Variants in STON1 observed in about 807,000 individuals in gnomAD.
STON1 encodes the protein stonin-1.
In STON1, 79 loss-of-function variants were observed where a neutral mutation model predicts 60.9. The ratio of observed to expected loss-of-function variants is 1.30; its 90% CI spans 1.08 to 1.56. The LOEUF is 1.56. STON1 is among the 40% of genes most tolerant of loss of function. STON1 has a pLI of 0.00. For missense variants in STON1, 1,166 were observed against 858.9 expected (o/e 1.36, Z -4.47); for synonymous variants, 363 against 306.9 (o/e 1.18, Z -1.91).
chr2:48,537,826 GGCGACAGA>G (rs1044439793), intron 1 of STON1, among the ~76,000 whole-genome samples: 1 of 149,330 alleles, frequency 6.7e-6, no homozygotes, highest in African/African-American at 2.5e-5. Context: ...CTCCAGACTG[GGCGACAGA>G]GCAAGACTTC....
At chr2:48,564,489 CTTCTTCTTCTT>C (rs1672797264) in intron 1 of STON1, among the ~76,000 whole-genome samples, 2 of 25,006 alleles carry the variant, frequency 8.0e-5, no homozygotes, top group African/African-American at 3.5e-4. Flanking sequence ...CTTTCTTCTT[CTTCTTCTTCTT>C]CTTCTTCTTC....
rs1192173970 is a variant in STON1, at chr2:48,580,929, C to T, written c.296C>T (p.Thr99Ile). The change falls in exon 2 of 4, where the codon ACT becomes ATT. Residue 99 changes from threonine to isoleucine, a missense_variant. Thr to Ile is a moderately conservative substitution (Grantham distance 89). Transcript: ENST00000404752. ...TTTCCTGGCATCCCCAAAGCAGGGA[C>T]TCATGTGCTTTATCCTATTCCAGAA... Reference protein sequence around the residue: ...PGFPGIPKAGTHVLYPIPESS... With the variant: ...PGFPGIPKAGIHVLYPIPESS... The T allele has an allele frequency of 3.1e-6, 5 of 1,600,126 alleles. No homozygotes were observed. The highest frequency in any genetic ancestry group is 4.3e-6 in the Non-Finnish European group (5 of 1,174,618).
chr2:48,563,907 C>T (rs528016278), intron 1 of STON1, among the ~76,000 whole-genome samples: 3 of 151,562 alleles, frequency 2.0e-5, no homozygotes, highest in Non-Finnish European at 4.4e-5. Flanking sequence ...ACTATGTTGC[C>T]CAGGCTGGTC....
chr2:48,537,162 T>C (rs1336750636), intron 1 of STON1, among the ~76,000 whole-genome samples: 1 of 152,250 alleles, frequency 6.6e-6, no homozygotes, highest in Non-Finnish European at 1.5e-5. Flanking sequence ...AGAACTGTGA[T>C]GACAGGCACC....
intron 1 of STON1, chr2:48,531,183 C>T (rs559803194): frequency 6.6e-6 from 1 of 152,320 alleles, no homozygotes; most frequent in South Asian, 2.1e-4. Flanking sequence ...ATTACAGCCT[C>T]CTCCAGGCTA....
chr2:48,568,388 G>A (rs1305545442), intron 1 of STON1, among the ~76,000 whole-genome samples: 12 of 152,160 alleles, frequency 7.9e-5, no homozygotes, highest in Admixed American at 7.9e-4. Context: ...ACAATCTACA[G>A]GAGAAGGTAG....
chr2:48,536,055 C>G (rs956303253), intron 1 of STON1, among the ~76,000 whole-genome samples: 8 of 152,090 alleles, frequency 5.3e-5, no homozygotes, highest in Admixed American at 2.6e-4. Flanking sequence ...CCACTGCACT[C>G]CAGCCTGGGT....
intron 1 of STON1, among the ~76,000 whole-genome samples, chr2:48,577,032 C>T (rs1323246281): frequency 6.8e-6 from 1 of 147,440 alleles, no homozygotes; most frequent in African/African-American, 2.5e-5. Context: ...CCAGCCTGGG[C>T]GACTGAGCGA....
Position 48,566,101 on chromosome 2 carries a change from A to G in STON1, c.-47-14486A>G, listed in dbSNP as rs1287276159. 4.6e-5 allele frequency among the ~76,000 whole-genome samples: 7 copies of G among 152,364 alleles called. No individual in the cohort carries two copies. In the East Asian group the frequency reaches 1.2e-3, roughly 25 times the overall value. On this transcript the variant is annotated intron_variant, in intron 1 of 3. Transcript: ENST00000404752. Reference sequence around the variant, plus strand: ...GGTGAGAATAGATTTTTAATTGGTAATAACTATTGCAACAGGGAAAAGAGT... The same window carrying G: ...GGTGAGAATAGATTTTTAATTGGTAGTAACTATTGCAACAGGGAAAAGAGT...
chr2:48,586,637 C>G (rs1454740183), intron 2 of STON1, among the ~76,000 whole-genome samples: 2 of 151,918 alleles, frequency 1.3e-5, no homozygotes, highest in East Asian at 3.9e-4. Context: ...AGGGAGTGGT[C>G]GGGGAAGAGA....
At position 48,581,819 on chromosome 2, in the gene STON1, G is replaced by A. The variant is rs763925910; in HGVS notation, c.1186G>A (p.Glu396Lys). 1 of 1,614,076 alleles carries A rather than the reference G, an allele frequency of 6.2e-7. No individual in the cohort carries two copies. The change falls in exon 2 of 4, where the codon GAG becomes AAG. Residue 396 changes from glutamate to lysine, a missense_variant. By Grantham distance (56) the Glu-to-Lys change is moderately conservative (BLOSUM62 1). Transcript: ENST00000404752. ...FLDFLTTVEEELMKLPAVSKP... is the reference protein window; with the variant it reads ...FLDFLTTVEEKLMKLPAVSKP... ...TGACTTTCTGACTACTGTGGAGGAG[G>A]AGCTGATGAAGTTGCCAGCTGTTTC...
In STON1 at chr2:48,581,038, G is replaced by C. The variant is rs775093393; in HGVS notation, c.405G>C (p.Leu135Phe). Reference protein sequence around the residue: ...PTRPTCLSHALLPSDHSCTHP... With the variant: ...PTRPTCLSHAFLPSDHSCTHP... ...GACCAACATGTTTATCCCATGCCTTGTTACCCAGTGACCACTCATGTACAC... is the reference window on the plus strand; with the variant it reads ...GACCAACATGTTTATCCCATGCCTTCTTACCCAGTGACCACTCATGTACAC... Residue 135 changes from leucine (L) to phenylalanine (F), a missense_variant, in exon 2 of 4, where the codon TTG becomes TTC. By Grantham distance (22) the Leu-to-Phe change is conservative. Transcript: ENST00000404752. The C allele has an allele frequency of 1.4e-5, 22 of 1,577,404 alleles. No individual in the cohort carries two copies. Among genetic ancestry groups the C allele is most frequent in the Middle Eastern group, 1.7e-4 (1 of 5,876 alleles).
At chr2:48,543,613 C>A (rs1042721860) in intron 1 of STON1, among the ~76,000 whole-genome samples, 1 of 148,152 alleles carries the variant, frequency 6.7e-6, no homozygotes, top group Non-Finnish European at 1.5e-5. Context: ...CTCACTGCAA[C>A]CTTTGCCTCC....
At chr2:48,548,214 T>C (rs973274055) in intron 1 of STON1, among the ~76,000 whole-genome samples, 1 of 152,246 alleles carries the variant, frequency 6.6e-6, no homozygotes, top group Admixed American at 6.5e-5. Context: ...TATTTCCTCA[T>C]CTATTTTCTC....
At chr2:48,537,022 T>G (rs77125975) in intron 1 of STON1, among the ~76,000 whole-genome samples, 4,052 of 152,314 alleles carry the variant, frequency 0.027, 91 homozygotes, top group African/African-American at 0.06. Context: ...AGTCTGCATA[T>G]AGATAATTCT....
At chr2:48,576,936 C>T (rs1210266535) in intron 1 of STON1, among the ~76,000 whole-genome samples, 1 of 151,950 alleles carries the variant, frequency 6.6e-6, no homozygotes. Flanking sequence ...CGCCTGTAGT[C>T]CCAGCTACTT....
intron 1 of STON1, among the ~76,000 whole-genome samples, chr2:48,572,360 C>G (rs924207770): frequency 1.3e-5 from 2 of 152,128 alleles, no homozygotes; most frequent in East Asian, 3.8e-4. Context: ...TGAATAAACT[C>G]ACATCACATT....
At chr2:48,565,565 C>G (rs1558608276) in intron 1 of STON1, among the ~76,000 whole-genome samples, 1 of 152,118 alleles carries the variant, frequency 6.6e-6, no homozygotes, top group Non-Finnish European at 1.5e-5. Context: ...ATTATATTAT[C>G]AGATCCCCAG....
chr2:48,551,569 G>A (rs1379319728), intron 1 of STON1, among the ~76,000 whole-genome samples: 1 of 152,222 alleles, frequency 6.6e-6, no homozygotes, highest in African/African-American at 2.4e-5. Context: ...GCGCTTTGAT[G>A]GAGATCCTGA....
Sources: gnomAD v4.1 joint callset for allele counts (sites outside exome capture counted in the v4.1 genomes callset) on GRCh38, gnomAD v4.1.1 for gene constraint, MANE v1.5 for transcripts, NCBI Gene and HGNC (gene_info 2026-07-23, HGNC 2026-07-21) for gene names.